The following CCDC171 variants were observed in gnomAD, a reference collection of about 807,000 sequenced individuals.
The protein encoded by CCDC171 is coiled-coil domain-containing protein 171.
CCDC171 carries 177 observed loss-of-function variants against 168.2 expected under a neutral mutation model. The observed-to-expected ratio is 1.05, with a 90% CI of 0.93 to 1.19. The LOEUF (loss-of-function observed/expected upper bound fraction) is 1.19. CCDC171 is among the 50% of genes most tolerant of loss of function. The pLI is 0.00. For missense variants in CCDC171, 1,991 were observed against 1,539.0 expected, an observed-to-expected ratio of 1.29 and a Z score of -4.91; for synonymous variants, 687 against 540.8, an observed-to-expected ratio of 1.27 and a Z score of -3.75.
chr9:15,651,309 A>G (rs1194331304), intron 7 of CCDC171, among the ~76,000 whole-genome samples: 2 of 151,818 alleles, frequency 1.3e-5, no homozygotes, highest in Non-Finnish European at 2.9e-5. Flanking sequence ...GGGTTTTGCC[A>G]TGTTGGCCAG....
chr9:15,631,075 A>T (rs2045645568), intron 7 of CCDC171, among the ~76,000 whole-genome samples: 1 of 152,180 alleles, frequency 6.6e-6, no homozygotes, highest in East Asian at 1.9e-4. Context: ...AGCCGGAAAG[A>T]TCCAAAATTG....
At chr9:15,615,172 A>G (rs2131918380) in intron 6 of CCDC171, among the ~76,000 whole-genome samples, 1 of 152,290 alleles carries the variant, frequency 6.6e-6, no homozygotes, top group Non-Finnish European at 1.5e-5. Flanking sequence ...GATAAAATAT[A>G]AAAGACTTTA....
chr9:15,604,552 G>C (rs1360586549), intron 6 of CCDC171, among the ~76,000 whole-genome samples: 1 of 152,086 alleles, frequency 6.6e-6, no homozygotes, highest in Non-Finnish European at 1.5e-5. Flanking sequence ...ACTAAATTTG[G>C]TGTATGTGTC....
intron 11 of CCDC171, among the ~76,000 whole-genome samples, chr9:15,718,997 G>GA (rs1297982974): frequency 1.3e-5 from 2 of 152,054 alleles, no homozygotes; most frequent in African/African-American, 4.8e-5. Context: ...TAAGGGACCA[G>GA]AAACCAACCC....
intron 3 of CCDC171, among the ~76,000 whole-genome samples, chr9:16,002,347 C>T (rs1210567354): frequency 4.0e-5 from 6 of 151,682 alleles, no homozygotes; most frequent in African/African-American, 1.5e-4. Context: ...TGATCTTCAC[C>T]CTGTGTGGGC....
chr9:15,572,001 A>G (rs1158419673), intron 3 of CCDC171, among the ~76,000 whole-genome samples: 3 of 152,172 alleles, frequency 2.0e-5, no homozygotes, highest in African/African-American at 4.8e-5. Flanking sequence ...AATGGGTTCA[A>G]TTGATTAAAA....
rs763951059 is a variant in CCDC171 at position 15,591,462 on chromosome 9, A to G, written c.449A>G (p.His150Arg). 6.8e-6 allele frequency: 11 copies of G among 1,608,856 alleles called. No individual in the cohort carries two copies. Among genetic ancestry groups the G allele is most frequent in the South Asian group, 4.4e-5 (4 of 89,944 alleles). Residue 150 changes from histidine to arginine, a missense_variant, in exon 5 of 26, where the codon CAT becomes CGT. Coordinates refer to ENST00000380701, the MANE Select transcript of CCDC171 (RefSeq NM_173550.4). ...AAAGAAGAATGCAGAAGATTTGAAC[A>G]TGATTTGGAGGAAAGAGACAATATG... ...KWKEECRRFE[H>R]DLEERDNMIQ... is the part of the protein sequence containing the mutation.
chr9:15,693,019 C>T (rs1014302442), intron 10 of CCDC171, among the ~76,000 whole-genome samples: 53 of 152,124 alleles, frequency 3.5e-4, no homozygotes, highest in African/African-American at 1.2e-3. Context: ...CACCTGTACT[C>T]CCAGCTACTT....
chr9:15,683,258 TTAAC>T (rs2050159281), intron 10 of CCDC171, among the ~76,000 whole-genome samples: 1 of 152,024 alleles, frequency 6.6e-6, no homozygotes, highest in Admixed American at 6.6e-5. Context: ...TTTTGGGGGT[TTAAC>T]TGATTATATA....
intron 11 of CCDC171, among the ~76,000 whole-genome samples, chr9:15,713,410 G>A (rs137880146): frequency 2.0e-5 from 3 of 152,072 alleles, no homozygotes; most frequent in Middle Eastern, 3.4e-3. Context: ...ACAGGAATAG[G>A]GCCCATGGGA....
intron 9 of CCDC171, among the ~76,000 whole-genome samples, chr9:15,671,027 G>T (rs2049068871): frequency 6.6e-6 from 1 of 152,120 alleles, no homozygotes. Flanking sequence ...AGTAGTTCGA[G>T]GCTGCAGTGA....
intron 16 of CCDC171, among the ~76,000 whole-genome samples, chr9:15,733,392 T>C (rs1340176645): frequency 2.6e-5 from 4 of 152,030 alleles, no homozygotes; most frequent in South Asian, 2.1e-4. Context: ...TTTCCCTATA[T>C]GTTTTATAGT....
intron 12 of CCDC171, among the ~76,000 whole-genome samples, chr9:15,723,269 C>G (rs1416653119): frequency 1.3e-5 from 2 of 152,176 alleles, no homozygotes; most frequent in Non-Finnish European, 2.9e-5. Flanking sequence ...TGAATATCCT[C>G]ATGATGTATA....
intron 7 of CCDC171, among the ~76,000 whole-genome samples, chr9:15,628,140 TGGGTTCATCTCACTA>T (rs1443800760): frequency 1.3e-5 from 2 of 152,244 alleles, no homozygotes; most frequent in African/African-American, 4.8e-5. Context: ...TCTGAGGTAC[TGGGTTCATCTCACTA>T]GGGAGTGCCA....
chr9:15,902,281 T>TATATAC lies in CCDC171; in HGVS notation c.3601-17988_3601-17987insTATACA, dbSNP rs1554673437. On this transcript the variant is annotated intron_variant, in intron 24 of 25. Transcript: ENST00000380701. The stretch of plus-strand genomic sequence containing the variant: ...ATATATGTATATATATATATATATA[T>TATATAC]ACACACACACACACACATAAAAATT... Among the ~76,000 whole-genome samples, 110 of 145,208 alleles carry TATATAC rather than the reference T, an allele frequency of 7.6e-4. 1 individual carries two copies. Among genetic ancestry groups the TATATAC allele is most frequent in the African/African-American group, 2.7e-3 (105 of 39,224 alleles).
rs762628191 is a variant in CCDC171 at position 15,578,830 on chromosome 9, A to G, written c.178-19A>G. On this transcript the variant is annotated intron_variant, in intron 3 of 25. Transcript: ENST00000380701. ...TCATAATCTTTGGACACATGTTGAT[A>G]TCAGGAATCTGTTTTTAGCTGGCAA... 6.2e-7 allele frequency: 1 copy of G among 1,603,428 alleles called. No individual in the cohort carries two copies. Among genetic ancestry groups the G allele is most frequent in the Admixed American group, 1.7e-5 (1 of 58,650 alleles).
intron 1 of CCDC171, among the ~76,000 whole-genome samples, chr9:16,044,389 C>G (rs1354636810): frequency 6.6e-6 from 1 of 151,876 alleles, no homozygotes; most frequent in Non-Finnish European, 1.5e-5. Flanking sequence ...GTTTGATATA[C>G]TAGGTTTTTT....
intron 1 of CCDC171, among the ~76,000 whole-genome samples, chr9:15,560,493 A>C (rs1013241904): frequency 6.6e-6 from 1 of 152,078 alleles, no homozygotes; most frequent in Non-Finnish European, 1.5e-5. Flanking sequence ...TCAATCAATG[A>C]TACTCCTTCT....
intron 6 of CCDC171, among the ~76,000 whole-genome samples, chr9:15,612,230 G>C (rs960573935): frequency 3.3e-5 from 5 of 152,148 alleles, no homozygotes; most frequent in African/African-American, 9.7e-5. Flanking sequence ...CTGAGCTTTT[G>C]TGGCTGTAAA....
Sources: allele counts gnomAD v4.1 joint callset (sites outside exome capture counted in the v4.1 genomes callset), GRCh38; gene constraint gnomAD v4.1.1; transcripts MANE v1.5; gene names NCBI Gene and HGNC (gene_info 2026-07-23, HGNC 2026-07-21).